ENTREP2: variants seen among roughly 807,000 people sequenced by gnomAD.
The protein encoded by ENTREP2 is protein ENTREP2.
the ENTREP2 span, among the ~76,000 whole-genome samples, chr15:29,469,158 G>A: frequency 1.3e-5 from 2 of 152,138 alleles, no homozygotes; most frequent in Non-Finnish European, 2.9e-5. Context: ...GCCAGTCACA[G>A]AGGACAAATC....
At chr15:29,301,626 G>A in the ENTREP2 span, among the ~76,000 whole-genome samples, 1 of 152,154 alleles carries the variant, frequency 6.6e-6, no homozygotes, top group Non-Finnish European at 1.5e-5. Context: ...TGGCTCCCTG[G>A]GAATGACCCA....
chr15:29,333,994 A>G, the ENTREP2 span, among the ~76,000 whole-genome samples: 7 of 152,122 alleles, frequency 4.6e-5, no homozygotes, highest in Non-Finnish European at 8.8e-5. Flanking sequence ...ACAGGAAGCT[A>G]GGAGGGAGAC....
At chr15:29,164,196 C>T in the ENTREP2 span, among the ~76,000 whole-genome samples, 4 of 152,102 alleles carry the variant, frequency 2.6e-5, no homozygotes, top group Non-Finnish European at 5.9e-5. Flanking sequence ...CCTGGAAACA[C>T]ATCAAAACAG....
chr15:29,674,690 A>G, the ENTREP2 span, among the ~76,000 whole-genome samples: 4 of 150,492 alleles, frequency 2.7e-5, no homozygotes, highest in Admixed American at 1.3e-4. Context: ...TTCCCTAGGG[A>G]AAAGGAGGCA....
At chr15:29,171,934 G>A in the ENTREP2 span, among the ~76,000 whole-genome samples, 3 of 152,252 alleles carry the variant, frequency 2.0e-5, no homozygotes, top group East Asian at 1.9e-4. Context: ...ACTGACAGAG[G>A]TGTCCAAACA....
the ENTREP2 span, among the ~76,000 whole-genome samples, chr15:29,200,260 C>T: frequency 1.3e-5 from 2 of 152,150 alleles, no homozygotes; most frequent in Admixed American, 6.5e-5. Context: ...ACTGCAACCT[C>T]CGCCTCCCGG....
At chr15:29,137,196 T>C in the ENTREP2 span, 2 of 1,473,810 alleles carry the variant, frequency 1.4e-6, no homozygotes, top group South Asian at 2.9e-5. Flanking sequence ...CGGAAGGAAC[T>C]GGAAAACAGA....
chr15:29,136,293 T>C, the ENTREP2 span: 3 of 1,410,946 alleles, frequency 2.1e-6, no homozygotes, highest in Non-Finnish European at 2.8e-6. Context: ...TGAGGTGCCT[T>C]CCGAGGGCAG....
the ENTREP2 span, among the ~76,000 whole-genome samples, chr15:29,466,023 G>A: frequency 1.3e-5 from 2 of 152,186 alleles, no homozygotes; most frequent in African/African-American, 4.8e-5. Context: ...AATATTTACT[G>A]AGTGCCAGTT....
chr15:29,669,772 A>T, the ENTREP2 span, among the ~76,000 whole-genome samples: 1 of 152,144 alleles, frequency 6.6e-6, no homozygotes, highest in Non-Finnish European at 1.5e-5. Context: ...AGGTGATTGA[A>T]TTACTTCCTC....
the ENTREP2 span, among the ~76,000 whole-genome samples, chr15:29,542,618 T>G: frequency 1.3e-5 from 2 of 152,220 alleles, no homozygotes; most frequent in Non-Finnish European, 2.9e-5. Context: ...TTAGCCATTT[T>G]TAAGTTACGG....
At chr15:29,170,131 C>A in the ENTREP2 span, among the ~76,000 whole-genome samples, 1 of 151,324 alleles carries the variant, frequency 6.6e-6, no homozygotes, top group Non-Finnish European at 1.5e-5. Context: ...CATGGTGAAA[C>A]CCCCATCTCT....
At chr15:29,356,256 ATGTG>A in the ENTREP2 span, among the ~76,000 whole-genome samples, 1 of 103,052 alleles carries the variant, frequency 9.7e-6, no homozygotes, top group African/African-American at 3.8e-5. Context: ...ATGTATATAT[ATGTG>A]TGTGTGTGTA....
chr15:29,227,155 G>T, the ENTREP2 span, among the ~76,000 whole-genome samples: 1 of 152,174 alleles, frequency 6.6e-6, no homozygotes, highest in Non-Finnish European at 1.5e-5. Context: ...TGTGGCCCAA[G>T]AAACAGATTT....
At chr15:29,224,847 G>A in the ENTREP2 span, among the ~76,000 whole-genome samples, 3 of 152,188 alleles carry the variant, frequency 2.0e-5, no homozygotes, top group Non-Finnish European at 2.9e-5. Context: ...AGCAGGGGGC[G>A]GTGCACACTG....
the ENTREP2 span, among the ~76,000 whole-genome samples, chr15:29,207,746 C>T: frequency 3.9e-5 from 6 of 152,204 alleles, no homozygotes; most frequent in Non-Finnish European, 8.8e-5. Context: ...TCACCTCTCT[C>T]TTCCTTACTC....
the ENTREP2 span, among the ~76,000 whole-genome samples, chr15:29,244,605 G>C: frequency 1.3e-5 from 2 of 152,246 alleles, no homozygotes; most frequent in Admixed American, 1.3e-4. Context: ...CCTGGATCAG[G>C]GAAGCAGCGT....
chr15:29,574,762 A>G, the ENTREP2 span, among the ~76,000 whole-genome samples: 1 of 152,130 alleles, frequency 6.6e-6, no homozygotes, highest in South Asian at 2.1e-4. Context: ...GTCCATACAT[A>G]ATGGATGAGA....
the ENTREP2 span, chr15:29,570,493 G>A: frequency 7.6e-7 from 1 of 1,323,272 alleles, no homozygotes; most frequent in South Asian, 1.7e-5. Flanking sequence ...CCGCCTGGTC[G>A]CGGACACTCA....
Sources: gnomAD v4.1 joint callset for allele counts (sites outside exome capture counted in the v4.1 genomes callset) on GRCh38, gnomAD v4.1.1 for gene constraint, MANE v1.5 for transcripts, NCBI Gene and HGNC (gene_info 2026-07-23, HGNC 2026-07-21) for gene names.